Variants in FARS2 observed in about 807,000 individuals in gnomAD.
The protein encoded by FARS2 is phenylalanine--tRNA ligase, mitochondrial.
Under a neutral mutation model 46.4 loss-of-function variants are expected in FARS2, and 40 were observed. The observed-to-expected ratio is 0.86, with a 90% CI of 0.67 to 1.12. The LOEUF is 1.12. FARS2 is among the 50% of genes most tolerant of loss of function. The pLI, the probability that FARS2 is intolerant of heterozygous loss-of-function variation, is 0.00. For synonymous variants in FARS2, 234 were observed against 214.9 expected, an observed-to-expected ratio of 1.09 and a Z score of -0.78; for missense variants, 513 against 567.9, an observed-to-expected ratio of 0.90 and a Z score of 0.98.
At chr6:5,335,363 A>G (rs1771080390) in intron 1 of FARS2, among the ~76,000 whole-genome samples, 1 of 152,218 alleles carries the variant, frequency 6.6e-6, no homozygotes, top group Admixed American at 6.5e-5. Flanking sequence ...ACCCAGAGTT[A>G]ACTGTACAGG....
chr6:5,675,774 C>T (rs1240502274), intron 6 of FARS2, among the ~76,000 whole-genome samples: 1 of 152,160 alleles, frequency 6.6e-6, no homozygotes, highest in Non-Finnish European at 1.5e-5. Context: ...CTGGACAATT[C>T]ATAATAACCT....
intron 4 of FARS2, among the ~76,000 whole-genome samples, chr6:5,488,124 C>CTTTTGCT: frequency 6.6e-6 from 1 of 152,298 alleles, no homozygotes; most frequent in Non-Finnish European, 1.5e-5. Context: ...TGGAGTTCAT[C>CTTTTGCT]TTTTGCTTTC....
intron 4 of FARS2, among the ~76,000 whole-genome samples, chr6:5,504,164 T>C (rs1582292940): frequency 6.6e-6 from 1 of 152,176 alleles, no homozygotes; most frequent in African/African-American, 2.4e-5. Context: ...TAATTTTTCC[T>C]TAGAACAACT....
intron 1 of FARS2, among the ~76,000 whole-genome samples, chr6:5,352,210 T>G (rs2127608001): frequency 6.6e-6 from 1 of 152,040 alleles, no homozygotes; most frequent in East Asian, 1.9e-4. Context: ...AAGACAATTC[T>G]TCTGATGTGG....
At chr6:5,698,641 G>A (rs925559361) in intron 6 of FARS2, among the ~76,000 whole-genome samples, 1 of 152,150 alleles carries the variant, frequency 6.6e-6, no homozygotes, top group Non-Finnish European at 1.5e-5. Context: ...AATGGAATCT[G>A]GGCAGTTCTC....
At chr6:5,333,412 T>C (rs905747958) in intron 1 of FARS2, among the ~76,000 whole-genome samples, 5 of 152,196 alleles carry the variant, frequency 3.3e-5, no homozygotes, top group African/African-American at 7.2e-5. Context: ...CAAAACTCCT[T>C]TATTTTGCTG....
At chr6:5,580,586 T>G (rs2150579599) in intron 5 of FARS2, among the ~76,000 whole-genome samples, 1 of 152,228 alleles carries the variant, frequency 6.6e-6, no homozygotes, top group Admixed American at 6.5e-5. Context: ...TGCCTCAGTT[T>G]CTCTCTGTAA....
intron 6 of FARS2, among the ~76,000 whole-genome samples, chr6:5,728,047 G>A (rs114297675): frequency 1.3e-5 from 2 of 152,146 alleles, no homozygotes; most frequent in Non-Finnish European, 2.9e-5. Flanking sequence ...AGTGGATGCC[G>A]CCTTGATGGC....
At chr6:5,525,251 T>A (rs970910197) in intron 4 of FARS2, among the ~76,000 whole-genome samples, 5 of 151,732 alleles carry the variant, frequency 3.3e-5, no homozygotes, top group African/African-American at 1.2e-4. Flanking sequence ...ATTTGGTGTA[T>A]TTTTAATATT....
intron 6 of FARS2, among the ~76,000 whole-genome samples, chr6:5,722,287 A>G (rs916797029): frequency 6.6e-6 from 1 of 152,236 alleles, no homozygotes; most frequent in African/African-American, 2.4e-5. Context: ...CAAATCCCTG[A>G]AAGGGTTTTG....
intron 4 of FARS2, among the ~76,000 whole-genome samples, chr6:5,432,894 G>T (rs971805084): frequency 2.6e-5 from 4 of 152,174 alleles, no homozygotes; most frequent in African/African-American, 4.8e-5. Flanking sequence ...TGTTACCTCG[G>T]CTGGGAGACT....
At chr6:5,397,840 C>T (rs1019850130) in intron 2 of FARS2, among the ~76,000 whole-genome samples, 2 of 152,142 alleles carry the variant, frequency 1.3e-5, no homozygotes, top group African/African-American at 4.8e-5. Flanking sequence ...TTGAAAGGTA[C>T]TGGCCATATA....
intron 3 of FARS2, among the ~76,000 whole-genome samples, chr6:5,412,927 G>A (rs1387797826): frequency 6.6e-6 from 1 of 152,106 alleles, no homozygotes; most frequent in Non-Finnish European, 1.5e-5. Context: ...TGCTCTTTCC[G>A]ATAAAAACGG....
At chr6:5,676,290 T>A (rs2150821475) in intron 6 of FARS2, among the ~76,000 whole-genome samples, 1 of 152,318 alleles carries the variant, frequency 6.6e-6, no homozygotes, top group East Asian at 1.9e-4. Flanking sequence ...TATTTGATTC[T>A]TCTCTTTCCT....
intron 1 of FARS2, among the ~76,000 whole-genome samples, chr6:5,284,414 C>G (rs1329894939): frequency 6.6e-6 from 1 of 152,138 alleles, no homozygotes; most frequent in Non-Finnish European, 1.5e-5. Context: ...CTCTTTCGAT[C>G]GTAGGACAAG....
chr6:5,636,392 A>G (rs1582640340), intron 6 of FARS2, among the ~76,000 whole-genome samples: 1 of 152,108 alleles, frequency 6.6e-6, no homozygotes, highest in African/African-American at 2.4e-5. Context: ...CTCCCTCCCA[A>G]TCCAGAACTG....
At chr6:5,521,474 G>T (rs191360426) in intron 4 of FARS2, among the ~76,000 whole-genome samples, 1 of 152,238 alleles carries the variant, frequency 6.6e-6, no homozygotes, top group East Asian at 1.9e-4. Context: ...CCCCATACGG[G>T]TGCAGTGTTG....
rs1423196690 is a variant in FARS2, at chr6:5,432,325, AAAATATAT to A, written c.904+1155_904+1162del. Among the ~76,000 whole-genome samples the A allele has an allele frequency of 2.3e-4, 11 of 47,322 alleles. No homozygotes were observed. In the Admixed American group the frequency reaches 2.7e-3, roughly 12 times the overall value. The allele number at this position is 47,322 out of a possible 152,430, so 31.0% of individuals were successfully genotyped here. On this transcript the variant is annotated intron_variant, in intron 4 of 6. Transcript: ENST00000274680. Reference sequence around the variant, plus strand: ...GCAACACTCAGTCTTAAAAAAAAAAAAAATATATATATATATATATATATATTATATAT... The same window carrying A: ...GCAACACTCAGTCTTAAAAAAAAAAAATATATATATATATATATTATATAT...
chr6:5,393,328 C>T (rs1213572935), intron 2 of FARS2, among the ~76,000 whole-genome samples: 1 of 151,982 alleles, frequency 6.6e-6, no homozygotes, highest in East Asian at 1.9e-4. Context: ...AGTGGAGGGT[C>T]TGGGAGTGAC....
Sources: gnomAD v4.1 joint callset for allele counts (sites outside exome capture counted in the v4.1 genomes callset) on GRCh38, gnomAD v4.1.1 for gene constraint, MANE v1.5 for transcripts, NCBI Gene and HGNC (gene_info 2026-07-23, HGNC 2026-07-21) for gene names.